The following PCMTD1 variants were observed in gnomAD, a reference collection of about 807,000 sequenced individuals.
PCMTD1 encodes the protein protein-L-isoaspartate (D-aspartate) O-methyltransferase domain containing 1, also known as protein-L-isoaspartate O-methyltransferase domain-containing protein 1.
Under a neutral mutation model 37.6 loss-of-function variants are expected in PCMTD1, and 12 were observed. The observed-to-expected ratio is 0.32, with a 90% CI of 0.20 to 0.52. The LOEUF (loss-of-function observed/expected upper bound fraction) is 0.52, where lower values mean the gene tolerates loss of function less well. Ranked by LOEUF, PCMTD1 falls within the 20% of genes least tolerant of loss-of-function variation. PCMTD1 has a pLI of 0.97. For synonymous variants in PCMTD1, 117 were observed against 135.8 expected (o/e 0.86, Z 0.96); for missense variants, 235 against 421.3 (o/e 0.56, Z 3.87).
intron 2 of PCMTD1, among the ~76,000 whole-genome samples, chr8:51,857,023 C>G (rs975382203): frequency 1.3e-5 from 2 of 152,192 alleles, no homozygotes; most frequent in African/African-American, 4.8e-5. Context: ...CATGCATAAG[C>G]ATGCAGGCAA....
At chr8:51,885,260 G>C (rs1226767960) in intron 1 of PCMTD1, among the ~76,000 whole-genome samples, 1 of 152,102 alleles carries the variant, frequency 6.6e-6, no homozygotes, top group Non-Finnish European at 1.5e-5. Context: ...CTAAGTATTG[G>C]GGGGCGGGGA....
chr8:51,866,607 A>T (rs2038558917), intron 1 of PCMTD1, among the ~76,000 whole-genome samples: 1 of 152,000 alleles, frequency 6.6e-6, no homozygotes, highest in Non-Finnish European at 1.5e-5. Context: ...TCCTTATCTC[A>T]CAACATATAC....
intron 5 of PCMTD1, among the ~76,000 whole-genome samples, chr8:51,829,585 GGGTTGTGAA>G: frequency 6.6e-6 from 1 of 152,152 alleles, no homozygotes; most frequent in African/African-American, 2.4e-5. Flanking sequence ...CCTAATGTAA[GGGTTGTGAA>G]ACCCGGTCTC....
intron 1 of PCMTD1, chr8:51,870,482 CAA>C (rs1417946530): frequency 6.6e-6 from 1 of 152,162 alleles, no homozygotes; most frequent in Non-Finnish European, 1.5e-5. Context: ...CCAAAAGCTG[CAA>C]AGAGCATCTA....
Position 51,898,937 on chromosome 8 carries a change from G to T in PCMTD1, c.-103C>A. ...CACTGGCGGCGGCGTTACCTGTGGC[G>T]CGGGCAGCGGCGCGCAGGCCAGGCG... On this transcript the variant is annotated 5_prime_UTR_variant, in exon 1 of 6. Transcript: ENST00000522514. The T allele has an allele frequency of 7.2e-7, 1 of 1,388,720 alleles. No individual in the cohort carries two copies. Among genetic ancestry groups the T allele is most frequent in the Admixed American group, 3.0e-5 (1 of 33,056 alleles). 86.0% of individuals were successfully genotyped at this position (1,388,720 alleles called of 1,614,324 possible).
At chr8:51,846,245 C>A (rs558136726) in intron 2 of PCMTD1, among the ~76,000 whole-genome samples, 70 of 152,326 alleles carry the variant, frequency 4.6e-4, no homozygotes, top group African/African-American at 1.6e-3. Context: ...CCTTTTGGAG[C>A]TCCCAGTGCC....
At chr8:51,825,775 C>T (rs1408513684) in intron 5 of PCMTD1, among the ~76,000 whole-genome samples, 4 of 151,224 alleles carry the variant, frequency 2.6e-5, no homozygotes, top group Admixed American at 6.6e-5. Context: ...CATCACTGGT[C>T]GTTAAAGAAA....
chr8:51,850,125 G>A (rs1197599743), intron 2 of PCMTD1: 2 of 701,616 alleles, frequency 2.9e-6, no homozygotes, highest in Non-Finnish European at 5.2e-6. Context: ...AAGGTCAGAT[G>A]TCTTGGCTTC....
intron 2 of PCMTD1, among the ~76,000 whole-genome samples, chr8:51,847,351 A>T (rs2038237011): frequency 6.6e-6 from 1 of 152,204 alleles, no homozygotes; most frequent in African/African-American, 2.4e-5. Context: ...TACAGGCAGG[A>T]TGTGGTAGCT....
At chr8:51,834,513 CTAA>C (rs2038039933) in intron 3 of PCMTD1, among the ~76,000 whole-genome samples, 1 of 152,132 alleles carries the variant, frequency 6.6e-6, no homozygotes, top group Admixed American at 6.5e-5. Flanking sequence ...CCCCAATGCA[CTAA>C]TAAGACAGGT....
At chr8:51,884,407 T>C (rs183867306) in intron 1 of PCMTD1, among the ~76,000 whole-genome samples, 2 of 152,288 alleles carry the variant, frequency 1.3e-5, no homozygotes, top group Admixed American at 6.5e-5. Flanking sequence ...TCAAAAGGAA[T>C]GTACCATCAT....
chr8:51,868,533 G>T (rs1411541742), intron 1 of PCMTD1, among the ~76,000 whole-genome samples: 2 of 152,044 alleles, frequency 1.3e-5, no homozygotes, highest in Admixed American at 6.6e-5. Context: ...AGTATTATTT[G>T]AACAAAATTG....
intron 1 of PCMTD1, among the ~76,000 whole-genome samples, chr8:51,877,774 C>T (rs1352854770): frequency 1.3e-5 from 2 of 152,100 alleles, no homozygotes; most frequent in African/African-American, 2.4e-5. Context: ...ACCTACAGGA[C>T]ACATTATTGA....
chr8:51,830,840 C>G lies in PCMTD1; in HGVS notation c.706+604G>C, dbSNP rs117766332. On this transcript the variant is annotated intron_variant, in intron 5 of 5. Coordinates refer to ENST00000522514, the MANE Select transcript of PCMTD1 (RefSeq NM_052937.4). ...TTGGCAGAAAGTTCTTCCTTACCAC[C>G]ATACCTACAGTAGATGCCCTTCCCA... is the stretch of plus-strand genomic sequence containing the variant. Among the ~76,000 whole-genome samples, 135 of 152,288 alleles carry G rather than the reference C, an allele frequency of 8.9e-4. 1 individual carries two copies. In the East Asian group the frequency reaches 0.021, roughly 24 times the overall value.
intron 1 of PCMTD1, among the ~76,000 whole-genome samples, chr8:51,893,427 C>G (rs2038961736): frequency 6.6e-6 from 1 of 152,136 alleles, no homozygotes; most frequent in Non-Finnish European, 1.5e-5. Context: ...GGCATTTCAG[C>G]TGATTGTACA....
At chr8:51,824,913 T>C (rs989258526) in intron 5 of PCMTD1, among the ~76,000 whole-genome samples, 6 of 152,174 alleles carry the variant, frequency 3.9e-5, no homozygotes, top group African/African-American at 1.4e-4. Context: ...ATCTTATCTT[T>C]GACAAACCTG....
At chr8:51,884,543 C>A (rs2038837569) in intron 1 of PCMTD1, among the ~76,000 whole-genome samples, 1 of 152,174 alleles carries the variant, frequency 6.6e-6, no homozygotes, top group South Asian at 2.1e-4. Flanking sequence ...AAGAAATAGT[C>A]TTTTTAATAC....
Position 51,818,702 on chromosome 8 carries a change from C to A in PCMTD1, c.*1649G>T, listed in dbSNP as rs200589962. 1.3e-5 allele frequency: 2 copies of A among 152,332 alleles called. No homozygotes were observed. Among genetic ancestry groups the A allele is most frequent in the Non-Finnish European group, 2.9e-5 (2 of 68,076 alleles). The allele number at this position is 152,332 out of a possible 1,614,324, so 9.4% of individuals were successfully genotyped here. ...CCCAGCCACTGGTATAAAACAAATACCTTCCATGAAACTGTCTTTCACATA... is the reference window on the plus strand; with the variant it reads ...CCCAGCCACTGGTATAAAACAAATAACTTCCATGAAACTGTCTTTCACATA... On this transcript the variant is annotated 3_prime_UTR_variant, in exon 6 of 6. Transcript: ENST00000522514.
chr8:51,845,357 C>A, intron 3 of PCMTD1: 1 of 236,390 alleles, frequency 4.2e-6, no homozygotes, highest in Non-Finnish European at 8.4e-6. Flanking sequence ...CAGTTCCAGA[C>A]AAATATTGCA....
Sources: allele counts gnomAD v4.1 joint callset (sites outside exome capture counted in the v4.1 genomes callset), GRCh38; gene constraint gnomAD v4.1.1; transcripts MANE v1.5; gene names NCBI Gene and HGNC (gene_info 2026-07-23, HGNC 2026-07-21).